Variants in FAT3 observed in about 807,000 individuals in gnomAD.
FAT3 encodes the protein FAT atypical cadherin 3, also known as protocadherin Fat 3.
In FAT3, 95 loss-of-function variants were observed where a neutral mutation model predicts 310.2. That is an observed-to-expected ratio of 0.31 (90% CI 0.26 to 0.36). The LOEUF (loss-of-function observed/expected upper bound fraction) is 0.36. FAT3 is among the 10% of genes least tolerant of loss of function. The pLI, the probability that FAT3 is intolerant of heterozygous loss-of-function variation, is 1.00. For missense variants in FAT3, 5,408 were observed against 5,715.6 expected, an observed-to-expected ratio of 0.95 and a Z score of 1.74; for synonymous variants, 2,314 against 2,192.9, an observed-to-expected ratio of 1.06 and a Z score of -1.54.
chr11:92,411,198 T>C (rs1282277377), intron 2 of FAT3, among the ~76,000 whole-genome samples: 1 of 147,170 alleles, frequency 6.8e-6, no homozygotes, highest in Admixed American at 6.9e-5. Flanking sequence ...ATAAAATCAG[T>C]GAAGGCCTCT....
chr11:92,884,311 T>C (rs1392075977), intron 24 of FAT3, among the ~76,000 whole-genome samples: 1 of 152,150 alleles, frequency 6.6e-6, no homozygotes, highest in Non-Finnish European at 1.5e-5. Context: ...TGGCTGATCC[T>C]AGGAGAAGAA....
At chr11:92,393,717 G>C (rs894970932) in intron 2 of FAT3, among the ~76,000 whole-genome samples, 1 of 152,194 alleles carries the variant, frequency 6.6e-6, no homozygotes, top group African/African-American at 2.4e-5. Context: ...TACGAGTGCA[G>C]TATTTTTCCA....
rs762635092 is a variant in FAT3 at position 92,790,170 on chromosome 11, C to G, written c.4563C>G (p.Ala1521=). 2 of 1,613,690 alleles carry G rather than the reference C, an allele frequency of 1.2e-6. No individual in the cohort carries two copies. The highest frequency in any genetic ancestry group is 4.5e-5 in the East Asian group (2 of 44,884). The change falls in exon 8 of 28, where the codon GCC becomes GCG. Residue 1521 remains alanine (A), a synonymous_variant. Transcript: ENST00000525166. Reference sequence around the variant, plus strand: ...CTAGCACTGGCGTGCTCTATACTGCCGAGAGGCTGGACCATGAGGCCCAGG... The same window carrying G: ...CTAGCACTGGCGTGCTCTATACTGCGGAGAGGCTGGACCATGAGGCCCAGG... ...IDPSTGVLYT[A]ERLDHEAQDK...
At chr11:92,487,003 G>A (rs376245825) in intron 2 of FAT3, among the ~76,000 whole-genome samples, 11 of 152,260 alleles carry the variant, frequency 7.2e-5, no homozygotes, top group African/African-American at 2.6e-4. Flanking sequence ...GAGAGGAAAA[G>A]GCAGAGTTTA....
chr11:92,701,723 C>T (rs1014700970), intron 4 of FAT3, among the ~76,000 whole-genome samples: 3 of 152,154 alleles, frequency 2.0e-5, no homozygotes, highest in African/African-American at 7.2e-5. Flanking sequence ...ATAATGGACA[C>T]GTAAATGAAA....
At position 92,800,139 on chromosome 11, in the gene FAT3, A is replaced by T. The variant is rs376493032; in HGVS notation, c.7126A>T (p.Ser2376Cys). The change falls in exon 10 of 28, where the codon AGT (serine) becomes TGT (cysteine). Residue 2376 changes from serine (S) to cysteine (C), a missense_variant. By Grantham distance (112) the Ser-to-Cys change is moderately radical. Transcript: ENST00000525166. The part of the protein sequence containing the change: ...SIDSGFPSLS[S>C]EVLVHIYISD... The stretch of plus-strand genomic sequence containing the variant: ...AGATAGTGGCTTCCCATCACTGAGC[A>T]GTGAGGTTCTCGTTCATATCTACAT... 2.1e-5 allele frequency: 34 copies of T among 1,613,868 alleles called. No individual in the cohort carries two copies. In the African/African-American group the frequency reaches 4.3e-4, roughly 20 times the overall value.
chr11:92,813,171 A>T (rs959298022), intron 13 of FAT3, among the ~76,000 whole-genome samples: 1 of 152,314 alleles, frequency 6.6e-6, no homozygotes, highest in East Asian at 1.9e-4. Context: ...AGTCTCCGGT[A>T]TATCTTTATT....
intron 2 of FAT3, among the ~76,000 whole-genome samples, chr11:92,507,905 G>A (rs1953170514): frequency 6.6e-6 from 1 of 151,888 alleles, no homozygotes; most frequent in Non-Finnish European, 1.5e-5. Context: ...CCTAATTACT[G>A]TACCAAAGTA....
At chr11:92,256,767 G>C (rs1252446243) in intron 1 of FAT3, among the ~76,000 whole-genome samples, 3 of 152,128 alleles carry the variant, frequency 2.0e-5, no homozygotes, top group African/African-American at 7.2e-5. Flanking sequence ...GGTATTGTTA[G>C]GTTCATTTTT....
At chr11:92,583,504 A>G (rs979292826) in intron 3 of FAT3, among the ~76,000 whole-genome samples, 1 of 151,978 alleles carries the variant, frequency 6.6e-6, no homozygotes, top group African/African-American at 2.4e-5. Context: ...GTCTCCAGGA[A>G]CCTTAGCAAA....
rs549614362 is a variant in FAT3, at chr11:92,533,940, T to TA, written c.3607+9000dup. Among the ~76,000 whole-genome samples the TA allele has an allele frequency of 1.3e-3, 198 of 152,052 alleles. 1 individual carries two copies. The highest frequency in any genetic ancestry group is 3.4e-3 in the Middle Eastern group (1 of 294). On this transcript the variant is annotated intron_variant, in intron 3 of 27. Transcript: ENST00000525166. The stretch of plus-strand genomic sequence containing the variant: ...AGATGATGGAGCTGTATTTATGTGT[T>TA]AAAAAAAAGAGAGATTGATTAAGGT...
At chr11:92,658,974 A>G (rs909119578) in intron 3 of FAT3, among the ~76,000 whole-genome samples, 4 of 152,014 alleles carry the variant, frequency 2.6e-5, no homozygotes, top group South Asian at 2.1e-4. Context: ...CAACATTGCC[A>G]TCATTTTCCT....
At chr11:92,838,507 T>G (rs1418456461) in intron 17 of FAT3, among the ~76,000 whole-genome samples, 2 of 152,188 alleles carry the variant, frequency 1.3e-5, no homozygotes, top group East Asian at 3.9e-4. Flanking sequence ...CTTCTCAGTA[T>G]TTCTAGGAGC....
chr11:92,889,932 GT>G (rs756086599), intron 27 of FAT3, 41 bp downstream of exon 27: 2 of 717,888 alleles, frequency 2.8e-6, no homozygotes, highest in South Asian at 1.5e-5. Flanking sequence ...TTGTGTGTTT[GT>G]TTTGAATTGC....
rs925897616 is a variant in FAT3 at position 92,524,776 on chromosome 11, C to A, written c.3435C>A (p.Ala1145=). ...AAGTTGAAGATGTGAATGACAATGC[C>A]CCGCTGACCTCAGAACCTATATATT... The part of the protein sequence containing the change: ...YIEVEDVNDN[A]PLTSEPIYYP... Residue 1145 remains alanine, a synonymous_variant, in exon 3 of 28, where the codon GCC becomes GCA. Coordinates refer to ENST00000525166, the MANE Select transcript of FAT3 (RefSeq NM_001367949.2). 6.2e-7 allele frequency: 1 copy of A among 1,613,578 alleles called. No individual in the cohort carries two copies. Among genetic ancestry groups the A allele is most frequent in the Non-Finnish European group, 8.5e-7 (1 of 1,179,810 alleles).
chr11:92,450,698 T>C (rs1479542640), intron 2 of FAT3, among the ~76,000 whole-genome samples: 1 of 152,210 alleles, frequency 6.6e-6, no homozygotes, highest in East Asian at 1.9e-4. Context: ...TCCCTAAGTC[T>C]GTTTACATCT....
chr11:92,567,031 A>T (rs553745114), intron 3 of FAT3, among the ~76,000 whole-genome samples: 1 of 152,224 alleles, frequency 6.6e-6, no homozygotes, highest in Non-Finnish European at 1.5e-5. Context: ...GCCAAAATTG[A>T]CAAATGGGAT....
At chr11:92,268,912 A>G (rs1413077706) in intron 1 of FAT3, among the ~76,000 whole-genome samples, 1 of 149,308 alleles carries the variant, frequency 6.7e-6, no homozygotes, top group Non-Finnish European at 1.5e-5. Context: ...AAGGGAGACT[A>G]TGGTTTGAAG....
chr11:92,808,421 G>A (rs892841843), intron 12 of FAT3, among the ~76,000 whole-genome samples: 4 of 152,194 alleles, frequency 2.6e-5, no homozygotes, highest in Non-Finnish European at 5.9e-5. Flanking sequence ...GCAAGTTATA[G>A]GAACAGCATG....
Sources: allele counts gnomAD v4.1 joint callset (sites outside exome capture counted in the v4.1 genomes callset), GRCh38; gene constraint gnomAD v4.1.1; transcripts MANE v1.5; gene names NCBI Gene and HGNC (gene_info 2026-07-23, HGNC 2026-07-21).